C10orf90: variants seen among roughly 807,000 people sequenced by gnomAD.
C10orf90 encodes chromosome 10 open reading frame 90, also known as (E2-independent) E3 ubiquitin-conjugating enzyme FATS.
In C10orf90, 56 loss-of-function variants were observed where a neutral mutation model predicts 62.5. The ratio of observed to expected loss-of-function variants is 0.90; its 90% CI spans 0.72 to 1.12. The LOEUF (loss-of-function observed/expected upper bound fraction) is 1.12. C10orf90 is among the 50% of genes most tolerant of loss of function. The probability of loss-of-function intolerance (pLI) is 0.00; values close to 1 mark genes in which losing one functional copy is unlikely to be tolerated. For missense variants in C10orf90, 970 were observed against 880.4 expected, an observed-to-expected ratio of 1.10 and a Z score of -1.29; for synonymous variants, 386 against 340.4, an observed-to-expected ratio of 1.13 and a Z score of -1.47.
intron 5 of C10orf90, among the ~76,000 whole-genome samples, chr10:126,462,550 C>T (rs1207314564): frequency 1.3e-5 from 2 of 152,152 alleles, no homozygotes; most frequent in Admixed American, 1.3e-4. Context: ...CAGCATCCAT[C>T]ACCAGGTGGG....
At chr10:126,529,977 G>C (rs1864048695) in intron 2 of C10orf90, among the ~76,000 whole-genome samples, 1 of 152,080 alleles carries the variant, frequency 6.6e-6, no homozygotes, top group African/African-American at 2.4e-5. Flanking sequence ...TGGTTTCAGA[G>C]ATATTGAAAT....
chr10:126,501,875 CATACAGAGTG>C (rs375393703), intron 4 of C10orf90, among the ~76,000 whole-genome samples: 2,201 of 152,036 alleles, frequency 0.014, 56 homozygotes, highest in African/African-American at 0.05. Flanking sequence ...TACGCAAAGG[CATACAGAGTG>C]ATATGATGGA....
At chr10:126,564,247 T>C (rs1447055429) in intron 2 of C10orf90, among the ~76,000 whole-genome samples, 1 of 152,040 alleles carries the variant, frequency 6.6e-6, no homozygotes, top group Non-Finnish European at 1.5e-5. Flanking sequence ...TTAGTCTCTG[T>C]GGGCTTTGTA....
intron 2 of C10orf90, among the ~76,000 whole-genome samples, chr10:126,533,156 G>A (rs1035036179): frequency 1.3e-5 from 2 of 151,800 alleles, no homozygotes; most frequent in African/African-American, 4.8e-5. Context: ...GGATGTTCCC[G>A]ATCTCCTGAC....
At chr10:126,474,603 A>G (rs1042496966) in intron 4 of C10orf90, among the ~76,000 whole-genome samples, 10 of 152,268 alleles carry the variant, frequency 6.6e-5, no homozygotes, top group Admixed American at 5.9e-4. Context: ...CAAAGAATAC[A>G]TATCTTGGAA....
Position 126,649,469 on chromosome 10 carries a change from G to T in C10orf90, c.241-2832C>A, listed in dbSNP as rs72839091. ...ATGAGCTCCCCTCATCTCCTTGATT[G>T]GTCACACGCTCACCCACCACAGGGC... is the stretch of plus-strand genomic sequence containing the variant. On this transcript the variant is annotated intron_variant, in intron 1 of 9. Coordinates refer to ENST00000488181, the MANE Select transcript of C10orf90 (RefSeq NM_001350921.2). Among the ~76,000 whole-genome samples, 752 of 151,996 alleles carry T rather than the reference G, an allele frequency of 4.9e-3. 2 individuals carry two copies. The highest frequency in any genetic ancestry group is 7.6e-3 in the Non-Finnish European group (519 of 67,966).
intron 2 of C10orf90, among the ~76,000 whole-genome samples, chr10:126,641,130 C>T (rs745916551): frequency 2.6e-5 from 4 of 152,166 alleles, no homozygotes; most frequent in Non-Finnish European, 5.9e-5. Context: ...AGAGAAGCTG[C>T]ATTTACAAGT....
intron 4 of C10orf90, among the ~76,000 whole-genome samples, chr10:126,493,222 G>A (rs1861856520): frequency 6.6e-6 from 1 of 151,470 alleles, no homozygotes; most frequent in Non-Finnish European, 1.5e-5. Context: ...TTGCATTTAT[G>A]AGAGATTCCA....
intron 1 of C10orf90, among the ~76,000 whole-genome samples, chr10:126,653,010 G>T (rs547650060): frequency 6.6e-6 from 1 of 152,190 alleles, no homozygotes; most frequent in South Asian, 2.1e-4. Context: ...TTCTATTAAA[G>T]GTGTATTATG....
intron 2 of C10orf90, among the ~76,000 whole-genome samples, chr10:126,518,094 C>G (rs1863540420): frequency 6.6e-6 from 1 of 151,886 alleles, no homozygotes; most frequent in Non-Finnish European, 1.5e-5. Context: ...CCCAGCCCCA[C>G]TGCCCTCAAT....
At chr10:126,646,527 G>C (rs1219398732) in intron 2 of C10orf90, 38 bp downstream of exon 2, 1 of 373,238 alleles carries the variant, frequency 2.7e-6, no homozygotes, top group Non-Finnish European at 5.2e-6. Flanking sequence ...ATAAAGGCTT[G>C]AAAGGGAACC....
chr10:126,565,442 A>AT (rs1844362599), intron 2 of C10orf90, among the ~76,000 whole-genome samples: 3 of 40,682 alleles, frequency 7.4e-5, no homozygotes, highest in South Asian at 7.4e-4. Context: ...TATTATACAC[A>AT]CACACACACA....
chr10:126,546,418 C>G (rs1864493427), intron 2 of C10orf90, among the ~76,000 whole-genome samples: 1 of 152,216 alleles, frequency 6.6e-6, no homozygotes, highest in South Asian at 2.1e-4. Flanking sequence ...CCACCCCCAC[C>G]CAGCAGTAAG....
chr10:126,649,016 CTCTCTCTCTCTGTCTCTG>C (rs1259433454), intron 1 of C10orf90, among the ~76,000 whole-genome samples: 6,163 of 93,998 alleles, frequency 0.066, 293 homozygotes, highest in South Asian at 0.11. Context: ...GATGATATCT[CTCTCTCTCTCTGTCTCTG>C]TCTCTCTCTC....
At chr10:126,507,356 C>CAAA (rs1204374185) in intron 3 of C10orf90, among the ~76,000 whole-genome samples, 109 of 68,936 alleles carry the variant, frequency 1.6e-3, no homozygotes, top group African/African-American at 3.4e-3. Context: ...GACTCCATCT[C>CAAA]AAAAAAAAAA....
rs187315250 is a variant in C10orf90 at position 126,431,767 on chromosome 10, T to C, written c.2189-1917A>G. 8.5e-5 allele frequency among the ~76,000 whole-genome samples: 13 copies of C among 152,336 alleles called. No individual in the cohort carries two copies. The East Asian group carries it at 2.5e-3, about 29-fold the overall frequency. Reference sequence around the variant, plus strand: ...CTTGGTTCAACTGTTTGTGGTCTACTCTGGGAAGTTAGATTTTCTTTTCTT... The same window carrying C: ...CTTGGTTCAACTGTTTGTGGTCTACCCTGGGAAGTTAGATTTTCTTTTCTT... On this transcript the variant is annotated intron_variant, in intron 7 of 9. Coordinates refer to ENST00000488181, the MANE Select transcript of C10orf90 (RefSeq NM_001350921.2).
At chr10:126,665,328 G>A (rs1020351225) in intron 1 of C10orf90, among the ~76,000 whole-genome samples, 1 of 152,188 alleles carries the variant, frequency 6.6e-6, no homozygotes, top group Admixed American at 6.5e-5. Context: ...AGGGAAAATT[G>A]TTTTGCACCT....
Position 126,464,954 on chromosome 10 carries a change from T to C in C10orf90, c.1567A>G (p.Arg523Gly). The part of the protein sequence containing the change: ...HTKVFSGSSK[R>G]QQGEVCMTVS... ...GTCATACATACTTCTCCTTGTTGCC[T>C]CTTGCTGCTTCCAGAAAATACTTTT... is the stretch of plus-strand genomic sequence containing the variant. The change falls in exon 5 of 10, where the codon AGG becomes GGG. Residue 523 changes from arginine to glycine, a missense_variant. Physicochemically the swap from Arg to Gly is moderately radical, Grantham distance 125. Transcript: ENST00000488181. 1 of 1,595,330 alleles carries C rather than the reference T, an allele frequency of 6.3e-7. No homozygotes were observed. The highest frequency in any genetic ancestry group is 8.6e-7 in the Non-Finnish European group (1 of 1,164,682).
intron 2 of C10orf90, among the ~76,000 whole-genome samples, chr10:126,536,194 C>T (rs936550991): frequency 4.6e-5 from 7 of 152,140 alleles, no homozygotes; most frequent in Non-Finnish European, 1.0e-4. Context: ...ACCCCCTCCA[C>T]ACACACACGT....
Sources: allele counts gnomAD v4.1 joint callset (sites outside exome capture counted in the v4.1 genomes callset), GRCh38; gene constraint gnomAD v4.1.1; transcripts MANE v1.5; gene names NCBI Gene and HGNC (gene_info 2026-07-23, HGNC 2026-07-21).